ENDOV: variants seen among roughly 807,000 people sequenced by gnomAD.
ENDOV encodes the protein hEndoV.
A neutral mutation model predicts 39.4 loss-of-function variants in ENDOV; 37 were observed. The observed-to-expected ratio is 0.94, with a 90% CI of 0.72 to 1.23. ENDOV has a LOEUF of 1.23. ENDOV is among the 50% of genes most tolerant of loss of function. The pLI, the probability that ENDOV is intolerant of heterozygous loss-of-function variation, is 0.00. For synonymous variants in ENDOV, 186 were observed against 163.4 expected, an observed-to-expected ratio of 1.14 and a Z score of -1.05; for missense variants, 441 against 375.7, an observed-to-expected ratio of 1.17 and a Z score of -1.44.
intron 7 of ENDOV, chr17:80,427,891 C>G: frequency 1.6e-6 from 2 of 1,228,852 alleles, no homozygotes; most frequent in Non-Finnish European, 2.1e-6. Flanking sequence ...CCCACTTCCC[C>G]CATGAATGGA....
intron 9 of ENDOV, among the ~76,000 whole-genome samples, chr17:80,431,899 A>G (rs1371125837): frequency 6.6e-6 from 1 of 152,152 alleles, no homozygotes; most frequent in Admixed American, 6.5e-5. Context: ...GTGTCCCCAG[A>G]GAGTCCTTGG....
At chr17:80,421,231 A>T (rs2081975527) in intron 2 of ENDOV, among the ~76,000 whole-genome samples, 1 of 150,998 alleles carries the variant, frequency 6.6e-6, no homozygotes, top group Non-Finnish European at 1.5e-5. Flanking sequence ...TCTACAGTCT[A>T]GGCTTCAGGG....
At chr17:80,420,687 T>C (rs1379317534) in intron 2 of ENDOV, among the ~76,000 whole-genome samples, 6 of 152,170 alleles carry the variant, frequency 3.9e-5, no homozygotes, top group Admixed American at 3.9e-4. Context: ...GTCTTCACAT[T>C]AAGGGCAGTG....
At position 80,436,513 on chromosome 17, in the gene ENDOV, G is replaced by C. The variant is rs1258114981; in HGVS notation, c.*370G>C. 1 of 484,214 alleles carries C rather than the reference G, an allele frequency of 2.1e-6. No individual in the cohort carries two copies. The highest frequency in any genetic ancestry group is 6.8e-5 in the East Asian group (1 of 14,762). 30.0% of individuals were successfully genotyped at this position (484,214 alleles called of 1,614,324 possible). On this transcript the variant is annotated 3_prime_UTR_variant, in exon 10 of 10. Coordinates refer to ENST00000518137, the MANE Select transcript of ENDOV (RefSeq NM_173627.5). ...ACTGGATTTTGTCAAATGCTTTTCT[G>C]GCCTCTATTGAAAAGATCCTGTGTT...
intron 2 of ENDOV, chr17:80,420,470 A>G (rs1159932206): frequency 6.6e-6 from 1 of 152,270 alleles, no homozygotes; most frequent in Non-Finnish European, 1.5e-5. Context: ...CCATTGAGTC[A>G]TTGATGAAGA....
intron 9 of ENDOV, chr17:80,433,155 A>G (rs773006469): frequency 1.9e-6 from 1 of 520,016 alleles, no homozygotes; most frequent in African/African-American, 1.9e-5. Context: ...TTAGAAGCAC[A>G]GTGTGGAAGC....
chr17:80,428,546 A>G, intron 7 of ENDOV, 50 bp from the exon 8 acceptor site: 2 of 1,528,588 alleles, frequency 1.3e-6, no homozygotes, highest in Non-Finnish European at 1.8e-6. Flanking sequence ...CTGGTGGGAA[A>G]CTGGTCTAGA....
intron 2 of ENDOV, 101 bp downstream of exon 2, chr17:80,415,922 G>T (rs932310899): frequency 7.0e-7 from 1 of 1,419,068 alleles, no homozygotes; most frequent in Non-Finnish European, 9.5e-7. Flanking sequence ...CCGGCTTCTC[G>T]TTTTGTAGGA....
At position 80,423,601 on chromosome 17, in the gene ENDOV, G is replaced by A; in HGVS notation, c.485G>A (p.Gly162Glu). 6.4e-7 allele frequency: 1 copy of A among 1,555,384 alleles called. No homozygotes were observed. Among genetic ancestry groups the A allele is most frequent in the East Asian group, 2.4e-5 (1 of 41,288 alleles). ...GVAKKLLQVD[G>E]LENNALHKEK... is the part of the protein sequence containing the mutation. ...GCCAAGAAACTTCTGCAGGTGGATG[G>A]GCTGGAGAACAACGCCCTGCACAAG... The change falls in exon 5 of 10, where the codon GGG becomes GAG. Residue 162 changes from glycine (G) to glutamate (E), a missense_variant. Coordinates refer to ENST00000518137, the MANE Select transcript of ENDOV (RefSeq NM_173627.5).
chr17:80,427,623 GTC>G, intron 7 of ENDOV: 4 of 1,173,342 alleles, frequency 3.4e-6, no homozygotes, highest in Non-Finnish European at 4.3e-6. Flanking sequence ...GGCTGGCTCT[GTC>G]TCTCGGTCCA....
At chr17:80,434,310 T>C (rs2083483955) in intron 9 of ENDOV, among the ~76,000 whole-genome samples, 1 of 152,250 alleles carries the variant, frequency 6.6e-6, no homozygotes, top group African/African-American at 2.4e-5. Flanking sequence ...TGAGTCATAT[T>C]CCATCATATG....
intron 2 of ENDOV, chr17:80,419,830 CTG>C: frequency 1.6e-6 from 1 of 614,532 alleles, no homozygotes; most frequent in South Asian, 1.9e-5. Flanking sequence ...CTAGACCTAA[CTG>C]TCACCCACGC....
Position 80,425,545 on chromosome 17 carries a change from C to T in ENDOV, c.639C>T (p.His213=). 1 of 1,595,298 alleles carries T rather than the reference C, an allele frequency of 6.3e-7. No individual in the cohort carries two copies. The highest frequency in any genetic ancestry group is 8.5e-7 in the Non-Finnish European group (1 of 1,174,336). ...STRPLYISVG[H]RMSLEAAVRL... is the part of the protein sequence containing the mutation. ...GGCCCCTCTACATCTCCGTGGGCCACAGGATGAGCCTGGAGGCCGCTGTGC... is the reference window on the plus strand; with the variant it reads ...GGCCCCTCTACATCTCCGTGGGCCATAGGATGAGCCTGGAGGCCGCTGTGC... Residue 213 remains histidine (H), a synonymous_variant, in exon 7 of 10, where the codon CAC becomes CAT. Coordinates refer to ENST00000518137, the MANE Select transcript of ENDOV (RefSeq NM_173627.5).
intron 9 of ENDOV, among the ~76,000 whole-genome samples, chr17:80,435,121 A>G (rs1441483000): frequency 3.9e-5 from 1 of 25,546 alleles, no homozygotes; most frequent in East Asian, 8.4e-4. Flanking sequence ...GAAGTTCTTT[A>G]TATGTTCTGA....
intron 7 of ENDOV, chr17:80,427,991 G>A: frequency 7.9e-6 from 7 of 885,752 alleles, no homozygotes; most frequent in Non-Finnish European, 1.1e-5. Flanking sequence ...GGGATCAGGG[G>A]GACTTCCCAG....
intron 8 of ENDOV, 55 bp from the exon 9 acceptor site, chr17:80,429,718 G>T (rs2083169807): frequency 6.6e-7 from 1 of 1,521,030 alleles, no homozygotes; most frequent in Non-Finnish European, 8.9e-7. Context: ...GGTGTGAGGG[G>T]GTGTCAGGTA....
At position 80,423,632 on chromosome 17, in the gene ENDOV, G is replaced by C. The variant is rs1046607650; in HGVS notation, c.516G>C (p.Lys172Asn). 5 of 1,550,030 alleles carry C rather than the reference G, an allele frequency of 3.2e-6. No homozygotes were observed. The highest frequency in any genetic ancestry group is 4.4e-6 in the Non-Finnish European group (5 of 1,147,446). ...AGAACAACGCCCTGCACAAGGAGAA[G>C]GTGAGGAGGGGCCTGCTGCAGGCCA... The part of the protein sequence containing the change: ...GLENNALHKE[K>N]IRLLQTRGDS... The change falls in exon 5 of 10, where the codon AAG (lysine) becomes AAC (asparagine). Residue 172 changes from lysine (K) to asparagine (N), a missense_variant and splice_region_variant. Transcript: ENST00000518137.
chr17:80,435,158 T>C (rs531413633), intron 9 of ENDOV, among the ~76,000 whole-genome samples: 1 of 152,338 alleles, frequency 6.6e-6, no homozygotes, highest in East Asian at 1.9e-4. Context: ...ACTTCTTTAG[T>C]TTACAAATAT....
Position 80,415,573 on chromosome 17 carries a change from C to T in ENDOV, c.57-77C>T, listed in dbSNP as rs1004278964. The T allele has an allele frequency of 8.5e-6, 13 of 1,524,278 alleles. No individual in the cohort carries two copies. In the African/African-American group the frequency reaches 9.7e-5, roughly 11 times the overall value. 94.4% of individuals were successfully genotyped at this position (1,524,278 alleles called of 1,614,324 possible). A position where few individuals can be genotyped will look rare whatever the true frequency, so the allele number is the denominator to read the frequency against. ...AGAAGACCCGGCAGAGGCGCTCTGTCCGCTGCAGCCGCGCGGGTGGAGGAG... is the reference window on the plus strand; with the variant it reads ...AGAAGACCCGGCAGAGGCGCTCTGTTCGCTGCAGCCGCGCGGGTGGAGGAG... On this transcript the variant is annotated intron_variant, in intron 1 of 9. Coordinates refer to ENST00000518137, the MANE Select transcript of ENDOV (RefSeq NM_173627.5).
Sources: allele counts gnomAD v4.1 joint callset (sites outside exome capture counted in the v4.1 genomes callset), GRCh38; gene constraint gnomAD v4.1.1; transcripts MANE v1.5; gene names NCBI Gene and HGNC (gene_info 2026-07-23, HGNC 2026-07-21).